UNC13C: variants seen among roughly 807,000 people sequenced by gnomAD.
UNC13C encodes protein unc-13 homolog C.
In UNC13C, 174 loss-of-function variants were observed where a neutral mutation model predicts 245.4. That is an observed-to-expected ratio of 0.71 (90% CI 0.63 to 0.80). UNC13C has a LOEUF of 0.80. UNC13C is among the 30% of genes least tolerant of loss of function. The pLI, the probability that UNC13C is intolerant of heterozygous loss-of-function variation, is 0.00. For missense variants in UNC13C, 2,829 were observed against 2,602.9 expected (o/e 1.09, Z -1.89); for synonymous variants, 992 against 895.1 (o/e 1.11, Z -1.93).
At chr15:54,471,697 T>C (rs968337167) in intron 19 of UNC13C, among the ~76,000 whole-genome samples, 2 of 151,572 alleles carry the variant, frequency 1.3e-5, no homozygotes, top group Non-Finnish European at 3.0e-5. Context: ...AAATTGTTGG[T>C]ATACACTTGA....
intron 4 of UNC13C, among the ~76,000 whole-genome samples, chr15:54,190,421 C>G (rs2034144585): frequency 6.6e-6 from 1 of 152,034 alleles, no homozygotes; most frequent in Admixed American, 6.6e-5. Flanking sequence ...GCTCACTTTA[C>G]CCATTTAATT....
chr15:54,237,745 G>T, intron 7 of UNC13C, 55 bp downstream of exon 7: 1 of 1,374,222 alleles, frequency 7.3e-7, no homozygotes. Context: ...ATAATCACAA[G>T]GGAGAAACTG....
rs371937973 is a variant in UNC13C at position 54,014,688 on chromosome 15, G to A, written c.1785G>A (p.Ala595=). The change falls in exon 2 of 33, where the codon GCG becomes GCA. Residue 595 remains alanine (A), a synonymous_variant. Transcript: ENST00000260323. ...ELWQRKQEGT[A]TLYDSPKDQH... is the part of the protein sequence containing the mutation. Reference sequence around the variant, plus strand: ...GGCAGAGGAAACAGGAAGGAACAGCGACCCTGTATGACAGTCCCAAGGACC... The same window carrying A: ...GGCAGAGGAAACAGGAAGGAACAGCAACCCTGTATGACAGTCCCAAGGACC... 2.0e-5 allele frequency: 32 copies of A among 1,613,596 alleles called. No individual in the cohort carries two copies. Among genetic ancestry groups the A allele is most frequent in the Non-Finnish European group, 2.4e-5 (28 of 1,179,832 alleles).
At position 54,398,187 on chromosome 15, in the gene UNC13C, T is replaced by C. The variant is rs77751711; in HGVS notation, c.4847+5006T>C. Among the ~76,000 whole-genome samples, 62 of 151,502 alleles carry C rather than the reference T, an allele frequency of 4.1e-4. No homozygotes were observed. In the Middle Eastern group the frequency reaches 0.01, roughly 25 times the overall value. ...AAAGGGTGTTGGATTTTGTCAAATATCTTTTCTGCTCATAATAGGGTAATC... is the reference window on the plus strand; with the variant it reads ...AAAGGGTGTTGGATTTTGTCAAATACCTTTTCTGCTCATAATAGGGTAATC... On this transcript the variant is annotated intron_variant, in intron 18 of 32. Transcript: ENST00000260323.
At chr15:54,229,745 T>G (rs1429748018) in intron 4 of UNC13C, among the ~76,000 whole-genome samples, 1 of 152,134 alleles carries the variant, frequency 6.6e-6, no homozygotes, top group Admixed American at 6.5e-5. Flanking sequence ...GTGTAACTAA[T>G]TTTCTGTATC....
At chr15:54,110,081 C>T (rs1900689280) in intron 2 of UNC13C, among the ~76,000 whole-genome samples, 1 of 152,006 alleles carries the variant, frequency 6.6e-6, no homozygotes, top group South Asian at 2.1e-4. Context: ...AGTTTAAGAA[C>T]AGCCTGGCCG....
At chr15:53,893,474 G>A in the UNC13C span, among the ~76,000 whole-genome samples, 1 of 152,226 alleles carries the variant, frequency 6.6e-6, no homozygotes, top group Non-Finnish European at 1.5e-5. Context: ...TCCCCCAGGT[G>A]CTCTGTTCCA....
In UNC13C at chr15:54,013,912, G is replaced by T. The variant is rs756784446; in HGVS notation, c.1009G>T (p.Val337Leu). 2 of 1,613,178 alleles carry T rather than the reference G, an allele frequency of 1.2e-6. No homozygotes were observed. The change falls in exon 2 of 33, where the codon GTG becomes TTG. Residue 337 changes from valine to leucine, a missense_variant. By Grantham distance (32) the Val-to-Leu change is conservative (BLOSUM62 1). Transcript: ENST00000260323. ...AGAAAGATTTGAATATGTTGAAAGCGTGGTGTACCAAATTCTAATAGATAA... is the reference window on the plus strand; with the variant it reads ...AGAAAGATTTGAATATGTTGAAAGCTTGGTGTACCAAATTCTAATAGATAA... Reference protein sequence around the residue: ...TEERFEYVESVVYQILIDKMG... With the variant: ...TEERFEYVESLVYQILIDKMG...
intron 29 of UNC13C, among the ~76,000 whole-genome samples, chr15:54,565,031 G>T (rs1897451328): frequency 6.6e-6 from 1 of 151,892 alleles, no homozygotes; most frequent in Admixed American, 6.6e-5. Flanking sequence ...GTTCATGAGG[G>T]TGAATTACCT....
intron 4 of UNC13C, among the ~76,000 whole-genome samples, chr15:54,160,596 G>A (rs7164107): frequency 0.29 from 44,058 of 151,714 alleles, 6,641 homozygotes; most frequent in African/African-American, 0.36. Context: ...AGACTCTGAT[G>A]TCTGGAATAA....
At chr15:53,856,960 TCC>T in the UNC13C span, among the ~76,000 whole-genome samples, 3 of 152,146 alleles carry the variant, frequency 2.0e-5, no homozygotes, top group Non-Finnish European at 4.4e-5. Context: ...ATCTGGGTGC[TCC>T]TGTATTGGGT....
At chr15:54,211,443 G>GA (rs35700661) in intron 4 of UNC13C, among the ~76,000 whole-genome samples, 2 of 151,696 alleles carry the variant, frequency 1.3e-5, no homozygotes, top group East Asian at 1.9e-4. Flanking sequence ...ATTCAAGTAG[G>GA]AAAAAAAAGT....
chr15:54,510,742 G>T (rs1448517303), intron 23 of UNC13C, among the ~76,000 whole-genome samples: 1 of 152,016 alleles, frequency 6.6e-6, no homozygotes, highest in African/African-American at 2.4e-5. Flanking sequence ...CATGACTCTG[G>T]TTATTGGGTT....
At chr15:54,348,133 C>T (rs11638875) in intron 17 of UNC13C, among the ~76,000 whole-genome samples, 9,759 of 152,186 alleles carry the variant, frequency 0.064, 389 homozygotes, top group Admixed American at 0.11. Flanking sequence ...TTACAACTGC[C>T]TACAGCATGT....
intron 2 of UNC13C, among the ~76,000 whole-genome samples, chr15:54,044,273 T>A (rs1255016241): frequency 6.6e-6 from 1 of 152,252 alleles, no homozygotes; most frequent in Non-Finnish European, 1.5e-5. Context: ...TTTTTGTGCC[T>A]GAGCAGTATT....
chr15:54,168,677 C>T lies in UNC13C; in HGVS notation c.3071+24993C>T, dbSNP rs573237466. ...GTAGTTTATGAATAGTATAACACAA[C>T]GCGTCTGTTAAATTCAACAGCGGTG... On this transcript the variant is annotated intron_variant, in intron 4 of 32. Transcript: ENST00000260323. Among the ~76,000 whole-genome samples the T allele has an allele frequency of 2.6e-5, 4 of 152,032 alleles. 1 individual carries two copies. The South Asian group carries it at 6.3e-4, about 24-fold the overall frequency.
At chr15:53,870,421 TCC>T in the UNC13C span, among the ~76,000 whole-genome samples, 1 of 129,992 alleles carries the variant, frequency 7.7e-6, no homozygotes, top group Admixed American at 7.7e-5. Flanking sequence ...CCTTTTTCCT[TCC>T]CACCCCCCAC....
At chr15:54,517,199 GAATT>G (rs1423190444) in intron 24 of UNC13C, among the ~76,000 whole-genome samples, 3 of 151,756 alleles carry the variant, frequency 2.0e-5, no homozygotes, top group Admixed American at 1.3e-4. Flanking sequence ...AAATTAATAA[GAATT>G]AATCTACTGT....
At chr15:53,862,058 A>G in the UNC13C span, among the ~76,000 whole-genome samples, 3 of 152,236 alleles carry the variant, frequency 2.0e-5, no homozygotes, top group South Asian at 2.1e-4. Flanking sequence ...GGTAGCTTAA[A>G]CAACAGAAAT....
Sources: gnomAD v4.1 joint callset for allele counts (sites outside exome capture counted in the v4.1 genomes callset) on GRCh38, gnomAD v4.1.1 for gene constraint, MANE v1.5 for transcripts, NCBI Gene and HGNC (gene_info 2026-07-23, HGNC 2026-07-21) for gene names.